Variants in QKI observed in about 807,000 individuals in gnomAD.
The protein encoded by QKI is QKI, KH domain containing RNA binding.
A neutral mutation model predicts 39.0 loss-of-function variants in QKI; 10 were observed. That is an observed-to-expected ratio of 0.26 (90% CI 0.16 to 0.43). QKI has a LOEUF of 0.43. Among genes scored for constraint, QKI ranks in the 20% least tolerant of loss-of-function variants. QKI has a pLI of 1.00. For synonymous variants in QKI, 204 were observed against 155.4 expected (o/e 1.31, Z -2.33); for missense variants, 218 against 428.0 (o/e 0.51, Z 4.33).
At chr6:163,528,361 T>C (rs1053493578) in intron 3 of QKI, among the ~76,000 whole-genome samples, 1 of 152,164 alleles carries the variant, frequency 6.6e-6, no homozygotes, top group African/African-American at 2.4e-5. Flanking sequence ...TGATGCTGTT[T>C]TAGGTCAATT....
intron 1 of QKI, among the ~76,000 whole-genome samples, chr6:163,446,653 T>G (rs900386301): frequency 6.6e-6 from 1 of 152,206 alleles, no homozygotes; most frequent in Admixed American, 6.5e-5. Context: ...AAATAAATAA[T>G]AGTTAAATAT....
intron 1 of QKI, among the ~76,000 whole-genome samples, chr6:163,439,723 C>G (rs1454376727): frequency 6.7e-6 from 1 of 149,526 alleles, no homozygotes; most frequent in African/African-American, 2.5e-5. Flanking sequence ...TGGCTTGGCT[C>G]ACTGCAACCT....
intron 4 of QKI, among the ~76,000 whole-genome samples, chr6:163,546,226 T>G (rs988388054): frequency 6.6e-6 from 1 of 151,848 alleles, no homozygotes; most frequent in Non-Finnish European, 1.5e-5. Context: ...TTTCTCAGTG[T>G]ATTTTCTTTA....
chr6:163,459,379 G>C (rs143008877), intron 2 of QKI, among the ~76,000 whole-genome samples: 1 of 152,252 alleles, frequency 6.6e-6, no homozygotes, highest in African/African-American at 2.4e-5. Context: ...TTGGCATCTA[G>C]TGGGTGGAGT....
At chr6:163,564,862 C>T in intron 6 of QKI, 3 of 1,415,672 alleles carry the variant, frequency 2.1e-6, no homozygotes, top group East Asian at 5.0e-5. Context: ...TGCATGCATG[C>T]TGTTGACTTT....
chr6:163,577,702 C>T lies in QKI; in HGVS notation c.*6992C>T, dbSNP rs764720323. ...TGGATATCTGTGCTTGTTTCCTGGTCCAGGATGGTGATCTGACTTTCAAAC... is the reference window on the plus strand; with the variant it reads ...TGGATATCTGTGCTTGTTTCCTGGTTCAGGATGGTGATCTGACTTTCAAAC... On this transcript the variant is annotated 3_prime_UTR_variant, in exon 8 of 8. Transcript: ENST00000361752. 1 of 152,288 alleles carries T rather than the reference C, an allele frequency of 6.6e-6. No individual in the cohort carries two copies. Among genetic ancestry groups the T allele is most frequent in the South Asian group, 2.1e-4 (1 of 4,828 alleles). The allele number at this position is 152,288 out of a possible 1,614,324, so 9.4% of individuals were successfully genotyped here.
intron 6 of QKI, chr6:163,564,864 G>C: frequency 2.8e-6 from 4 of 1,407,858 alleles, no homozygotes; most frequent in Non-Finnish European, 3.7e-6. Context: ...CATGCATGCT[G>C]TTGACTTTTA....
chr6:163,565,008 G>A, intron 6 of QKI: 1 of 1,239,272 alleles, frequency 8.1e-7, no homozygotes, highest in Non-Finnish European at 1.0e-6. Context: ...AAGCCATGAT[G>A]CTCTGTATGT....
chr6:163,496,287 T>C (rs1464281579), intron 3 of QKI, among the ~76,000 whole-genome samples: 1 of 152,200 alleles, frequency 6.6e-6, no homozygotes, highest in East Asian at 1.9e-4. Flanking sequence ...CACACTGAGC[T>C]TTGATTTAGG....
At chr6:163,449,134 T>C (rs1030436526) in intron 1 of QKI, among the ~76,000 whole-genome samples, 4 of 152,206 alleles carry the variant, frequency 2.6e-5, no homozygotes, top group African/African-American at 7.2e-5. Flanking sequence ...TGAGCTACTT[T>C]AATGTCTAGC....
At chr6:163,530,301 A>G (rs562313249) in intron 3 of QKI, among the ~76,000 whole-genome samples, 4 of 152,186 alleles carry the variant, frequency 2.6e-5, no homozygotes, top group South Asian at 4.1e-4. Flanking sequence ...GCTTATTTCA[A>G]CCTTTTCTTT....
intron 5 of QKI, 23 bp downstream of exon 5, chr6:163,562,092 A>G: frequency 6.3e-7 from 1 of 1,580,686 alleles, no homozygotes; most frequent in Non-Finnish European, 8.6e-7. Flanking sequence ...TCTGAGGCCC[A>G]GGGTTACTGC....
At chr6:163,522,671 A>C (rs1391109457) in intron 3 of QKI, among the ~76,000 whole-genome samples, 4 of 152,282 alleles carry the variant, frequency 2.6e-5, no homozygotes, top group African/African-American at 9.6e-5. Context: ...GCCCCATGGA[A>C]TTATAAATTA....
At chr6:163,415,953 C>T (rs761550478) in intron 1 of QKI, 4 of 505,540 alleles carry the variant, frequency 7.9e-6, no homozygotes, top group East Asian at 1.1e-4. Flanking sequence ...ATTATGCTGG[C>T]GTAGCCGACA....
At chr6:163,517,090 TCTCTCTCTCTCTAG>T (rs1354164873) in intron 3 of QKI, among the ~76,000 whole-genome samples, 105 of 150,984 alleles carry the variant, frequency 7.0e-4, no homozygotes, top group African/African-American at 1.4e-3. Context: ...TTTCTCTCTC[TCTCTCTCTCTCTAG>T]CTCTCTCTAG....
intron 1 of QKI, among the ~76,000 whole-genome samples, chr6:163,420,945 T>C (rs1787950367): frequency 6.6e-6 from 1 of 152,204 alleles, no homozygotes; most frequent in African/African-American, 2.4e-5. Flanking sequence ...AAAATTACTT[T>C]CTTGAAGGTG....
chr6:163,444,462 C>T (rs1789993772), intron 1 of QKI, among the ~76,000 whole-genome samples: 1 of 152,144 alleles, frequency 6.6e-6, no homozygotes, highest in African/African-American at 2.4e-5. Context: ...ATAGAAAGGT[C>T]ATTGTTTTGG....
chr6:163,566,297 T>C, intron 6 of QKI: 1 of 1,202,988 alleles, frequency 8.3e-7, no homozygotes, highest in Non-Finnish European at 1.0e-6. Flanking sequence ...TAAGAATTGC[T>C]TTTAAACCTT....
At chr6:163,564,851 C>A in intron 6 of QKI, 1 of 1,471,518 alleles carries the variant, frequency 6.8e-7, no homozygotes, top group Admixed American at 2.3e-5. Context: ...GACCTTGGTG[C>A]TGCATGCATG....
Sources: gnomAD v4.1 joint callset for allele counts (sites outside exome capture counted in the v4.1 genomes callset) on GRCh38, gnomAD v4.1.1 for gene constraint, MANE v1.5 for transcripts, NCBI Gene and HGNC (gene_info 2026-07-23, HGNC 2026-07-21) for gene names.